Variants in WDR64 observed in about 807,000 individuals in gnomAD.
WDR64 encodes the protein WD repeat domain 64.
WDR64 carries 112 observed loss-of-function variants against 139.3 expected under a neutral mutation model. The ratio of observed to expected loss-of-function variants is 0.80; its 90% CI spans 0.69 to 0.94. WDR64 has a LOEUF of 0.94. Ranked by LOEUF, WDR64 falls within the 40% of genes least tolerant of loss-of-function variation. The probability of loss-of-function intolerance (pLI) is 0.00; values close to 1 mark genes in which losing one functional copy is unlikely to be tolerated. For missense variants in WDR64, 1,206 were observed against 1,293.1 expected (o/e 0.93, Z 1.03); for synonymous variants, 444 against 437.7 (o/e 1.01, Z -0.18).
chr1:241,704,769 T>C (rs1485342312), intron 8 of WDR64, among the ~76,000 whole-genome samples: 1 of 152,202 alleles, frequency 6.6e-6, no homozygotes, highest in Non-Finnish European at 1.5e-5. Context: ...AATAGGGTAT[T>C]AAATGGCTCT....
intron 8 of WDR64, among the ~76,000 whole-genome samples, chr1:241,690,667 A>G (rs1667184823): frequency 6.6e-6 from 1 of 152,130 alleles, no homozygotes; most frequent in African/African-American, 2.4e-5. Flanking sequence ...GTGAAGGAGA[A>G]ATAAAACTTT....
At chr1:241,666,813 A>G (rs545776818) in intron 2 of WDR64, among the ~76,000 whole-genome samples, 1 of 152,220 alleles carries the variant, frequency 6.6e-6, no homozygotes, top group African/African-American at 2.4e-5. Context: ...AATCCTTACA[A>G]CAGAGCATAA....
rs550767550 is a variant in WDR64, at chr1:241,685,196, A to G, written c.839+1495A>G. The stretch of plus-strand genomic sequence containing the variant: ...TAAATGATATATATTTATATATAAA[A>G]TACATTTTTTGTCTGACACCTAAAA... On this transcript the variant is annotated intron_variant, in intron 7 of 27. Coordinates refer to ENST00000437684, the MANE Select transcript of WDR64 (RefSeq NM_001367482.1). 6.7e-5 allele frequency among the ~76,000 whole-genome samples: 10 copies of G among 150,296 alleles called. No individual in the cohort carries two copies. The South Asian group carries it at 2.1e-3, about 32-fold the overall frequency.
chr1:241,738,260 A>T, intron 10 of WDR64, 103 bp from the exon 11 acceptor site: 3 of 1,349,994 alleles, frequency 2.2e-6, no homozygotes, highest in Non-Finnish European at 3.0e-6. Context: ...ACTTTGGTAT[A>T]AGTTTATAAG....
chr1:241,711,594 C>T (rs1668170917), intron 8 of WDR64, among the ~76,000 whole-genome samples: 1 of 152,148 alleles, frequency 6.6e-6, no homozygotes, highest in Non-Finnish European at 1.5e-5. Context: ...AGGAACAATA[C>T]AAAGTACTAC....
chr1:241,752,756 T>A (rs1389300918), intron 14 of WDR64, among the ~76,000 whole-genome samples: 1 of 152,040 alleles, frequency 6.6e-6, no homozygotes, highest in African/African-American at 2.4e-5. Flanking sequence ...GGAGCTGAGG[T>A]GGGAGAATTG....
intron 9 of WDR64, among the ~76,000 whole-genome samples, chr1:241,719,907 C>G (rs1229698718): frequency 6.6e-6 from 1 of 152,108 alleles, no homozygotes; most frequent in Non-Finnish European, 1.5e-5. Flanking sequence ...CAACCTATCA[C>G]CTGGATATTA....
chr1:241,685,427 T>C (rs1197091627), intron 7 of WDR64, among the ~76,000 whole-genome samples: 1 of 152,000 alleles, frequency 6.6e-6, no homozygotes, highest in African/African-American at 2.4e-5. Context: ...AATCCAGTCT[T>C]ATAAATGTGT....
At chr1:241,764,635 T>C (rs755538540) in intron 15 of WDR64, among the ~76,000 whole-genome samples, 13 of 152,122 alleles carry the variant, frequency 8.5e-5, no homozygotes, top group Non-Finnish European at 1.8e-4. Flanking sequence ...CAGACCAGCT[T>C]GAGTGACAGA....
intron 9 of WDR64, among the ~76,000 whole-genome samples, chr1:241,715,633 C>T (rs1558487536): frequency 1.3e-5 from 2 of 152,194 alleles, no homozygotes; most frequent in Non-Finnish European, 2.9e-5. Context: ...TTTGAAAAAG[C>T]AGTACGTAAA....
Position 241,689,741 on chromosome 1 carries a change from G to A in WDR64, c.974+2146G>A, listed in dbSNP as rs550340566. Among the ~76,000 whole-genome samples the A allele has an allele frequency of 3.9e-5, 6 of 152,188 alleles. No homozygotes were observed. In the South Asian group the frequency reaches 6.2e-4, roughly 16 times the overall value. The stretch of plus-strand genomic sequence containing the variant: ...AAGCAGGCAGCAGACAAGAACAGAC[G>A]GGCATTGTAAACAGAGAGATGAAAA... On this transcript the variant is annotated intron_variant, in intron 8 of 27. Coordinates refer to ENST00000437684, the MANE Select transcript of WDR64 (RefSeq NM_001367482.1).
chr1:241,780,149 A>C, intron 22 of WDR64, 87 bp downstream of exon 22: 1 of 1,104,164 alleles, frequency 9.1e-7, no homozygotes, highest in Non-Finnish European at 1.3e-6. Flanking sequence ...AAAGGATAGA[A>C]ATACAAGACT....
chr1:241,671,571 T>C (rs571686103), intron 3 of WDR64, among the ~76,000 whole-genome samples: 4 of 152,326 alleles, frequency 2.6e-5, no homozygotes, highest in Non-Finnish European at 4.4e-5. Context: ...TTCTATTCAC[T>C]CTCATCTACC....
Position 241,652,417 on chromosome 1 carries a change from A to G in WDR64, c.-68A>G, listed in dbSNP as rs1665395144. 2.0e-6 allele frequency: 3 copies of G among 1,493,120 alleles called. No individual in the cohort carries two copies. The highest frequency in any genetic ancestry group is 2.7e-6 in the Non-Finnish European group (3 of 1,113,894). 92.5% of individuals were successfully genotyped at this position (1,493,120 alleles called of 1,614,324 possible). On this transcript the variant is annotated 5_prime_UTR_variant, in exon 1 of 28. Transcript: ENST00000437684. ...AGCAGGGAGGCACTGTAACAACTGG[A>G]AAGTTTTCCAAATTGGTAAACTTGC...
rs1277354476 is a variant in WDR64, at chr1:241,741,634, A to T, written c.1440A>T (p.Val480=). Residue 480 remains valine, a synonymous_variant, in exon 12 of 28, where the codon GTA becomes GTT. Coordinates refer to ENST00000437684, the MANE Select transcript of WDR64 (RefSeq NM_001367482.1). ...VMLYNKYFHQ[V]LTICSESIIR... ...TTTACAACAAATATTTTCATCAAGT[A>T]CTCACTATCTGCTCTGAATCCATAA... 6.2e-7 allele frequency: 1 copy of T among 1,612,442 alleles called. No individual in the cohort carries two copies. The highest frequency in any genetic ancestry group is 1.7e-5 in the Admixed American group (1 of 59,866).
rs1666397539 is a variant in WDR64, at chr1:241,674,712, A to G, written c.448A>G (p.Thr150Ala). 6.5e-7 allele frequency: 1 copy of G among 1,549,358 alleles called. No individual in the cohort carries two copies. The highest frequency in any genetic ancestry group is 8.7e-7 in the Non-Finnish European group (1 of 1,145,580). The part of the protein sequence containing the change: ...IPHLDLLITA[T>A]QKGLITVFNN... ...TCACCTGGATTTACTAATAACAGCT[A>G]CTCAGAAAGGATTAATAACAGTTTT... The change falls in exon 4 of 28, where the codon ACT (threonine) becomes GCT (alanine). Residue 150 changes from threonine (T) to alanine (A), a missense_variant. Thr to Ala is a moderately conservative substitution (Grantham distance 58). Coordinates refer to ENST00000437684, the MANE Select transcript of WDR64 (RefSeq NM_001367482.1).
At chr1:241,792,794 T>C (rs1659247551) in intron 25 of WDR64, among the ~76,000 whole-genome samples, 1 of 152,160 alleles carries the variant, frequency 6.6e-6, no homozygotes, top group African/African-American at 2.4e-5. Flanking sequence ...AATCTGCTGA[T>C]GGTAGTGGTG....
Position 241,796,128 on chromosome 1 carries a change from C to T in WDR64, c.3079-129C>T. The T allele has an allele frequency of 4.2e-6, 2 of 476,294 alleles. 1 individual carries two copies. The highest frequency in any genetic ancestry group is 7.5e-6 in the Non-Finnish European group (2 of 266,646). The allele number at this position is 476,294 out of a possible 1,614,324, so 29.5% of individuals were successfully genotyped here. ...AATAAAATAAAGATTTAATGCTGAG[C>T]AACTGGGAAGAAGGGGGGTGTGTAT... On this transcript the variant is annotated intron_variant, in intron 26 of 27. Coordinates refer to ENST00000437684, the MANE Select transcript of WDR64 (RefSeq NM_001367482.1).
intron 8 of WDR64, 104 bp from the exon 9 acceptor site, chr1:241,711,698 C>A (rs990955273): frequency 8.3e-7 from 1 of 1,207,684 alleles, no homozygotes; most frequent in Non-Finnish European, 1.2e-6. Flanking sequence ...AATGGATTTA[C>A]AACCAACTTA....
Sources: allele counts gnomAD v4.1 joint callset (sites outside exome capture counted in the v4.1 genomes callset), GRCh38; gene constraint gnomAD v4.1.1; transcripts MANE v1.5; gene names NCBI Gene and HGNC (gene_info 2026-07-23, HGNC 2026-07-21).